Variants in SLC7A14 observed in about 807,000 individuals in gnomAD.
The protein encoded by SLC7A14 is solute carrier family 7 member 14.
Under a neutral mutation model 60.2 loss-of-function variants are expected in SLC7A14, and 37 were observed. The observed-to-expected ratio is 0.61, with a 90% confidence interval of 0.47 to 0.81. The LOEUF is 0.81. SLC7A14 is among the 30% of genes least tolerant of loss of function. The pLI is 0.00. For missense variants in SLC7A14, 886 were observed against 982.7 expected (o/e 0.90, Z 1.32); for synonymous variants, 399 against 395.8 (o/e 1.01, Z -0.10).
intron 7 of SLC7A14, among the ~76,000 whole-genome samples, chr3:170,479,313 G>T (rs1412092104): frequency 2.0e-5 from 3 of 152,082 alleles, no homozygotes; most frequent in East Asian, 3.9e-4. Flanking sequence ...AGAGACCCCA[G>T]GGTTACCAAG....
chr3:170,563,632 G>T (rs1714720935), intron 1 of SLC7A14, among the ~76,000 whole-genome samples: 1 of 151,928 alleles, frequency 6.6e-6, no homozygotes, highest in African/African-American at 2.4e-5. Flanking sequence ...TGTTGGTCAG[G>T]CTAGTCTCGA....
intron 1 of SLC7A14, among the ~76,000 whole-genome samples, chr3:170,562,737 C>T (rs1452138469): frequency 1.3e-5 from 2 of 152,136 alleles, no homozygotes; most frequent in Non-Finnish European, 2.9e-5. Flanking sequence ...AGCCTTGCTA[C>T]AAGAAATATT....
intron 1 of SLC7A14, among the ~76,000 whole-genome samples, chr3:170,533,307 A>G (rs1713735998): frequency 6.6e-6 from 1 of 152,208 alleles, no homozygotes; most frequent in African/African-American, 2.4e-5. Flanking sequence ...GGGTCTGCTC[A>G]GCTCTGACAG....
At chr3:170,566,404 C>G (rs181930184) in intron 1 of SLC7A14, among the ~76,000 whole-genome samples, 1 of 152,284 alleles carries the variant, frequency 6.6e-6, no homozygotes. Context: ...TCTTCTCAAA[C>G]AAGATTTCAG....
At chr3:170,475,475 C>T (rs1423310417) in intron 7 of SLC7A14, among the ~76,000 whole-genome samples, 4 of 152,096 alleles carry the variant, frequency 2.6e-5, no homozygotes, top group African/African-American at 7.2e-5. Context: ...ACATATTTAT[C>T]TTATAAGACC....
intron 7 of SLC7A14, among the ~76,000 whole-genome samples, chr3:170,478,684 T>C (rs1711708986): frequency 6.6e-6 from 1 of 152,202 alleles, no homozygotes; most frequent in African/African-American, 2.4e-5. Context: ...GAAGTTTTCC[T>C]TTTTCCCCTT....
chr3:170,482,538 C>T (rs771094344), intron 6 of SLC7A14, among the ~76,000 whole-genome samples: 55 of 152,222 alleles, frequency 3.6e-4, no homozygotes, highest in Non-Finnish European at 7.1e-4. Context: ...CTCAGCAGGC[C>T]CCTCATGCTG....
intron 1 of SLC7A14, among the ~76,000 whole-genome samples, chr3:170,563,771 G>A (rs1413112798): frequency 6.6e-6 from 1 of 152,138 alleles, no homozygotes; most frequent in African/African-American, 2.4e-5. Context: ...TTTGCAAACA[G>A]AGTATCCCAT....
intron 1 of SLC7A14, among the ~76,000 whole-genome samples, chr3:170,534,050 T>C (rs1341795997): frequency 1.3e-5 from 2 of 152,208 alleles, no homozygotes; most frequent in Non-Finnish European, 2.9e-5. Context: ...CAAAGCTTGT[T>C]GGTTTTTTTT....
chr3:170,493,997 A>G (rs1379590481), intron 4 of SLC7A14, among the ~76,000 whole-genome samples: 2 of 152,240 alleles, frequency 1.3e-5, no homozygotes, highest in Admixed American at 1.3e-4. Flanking sequence ...TTCTTGGCCA[A>G]TGACAAATCT....
In SLC7A14 at chr3:170,463,099, C is replaced by T. The variant is rs976061481; in HGVS notation, c.*3956G>A. The T allele has an allele frequency of 2.7e-5, 4 of 147,722 alleles. No homozygotes were observed. Among genetic ancestry groups the T allele is most frequent in the Non-Finnish European group, 5.9e-5 (4 of 67,976 alleles). The allele number at this position is 147,722 out of a possible 1,614,324, so 9.2% of individuals were successfully genotyped here. On this transcript the variant is annotated 3_prime_UTR_variant, in exon 8 of 8. Coordinates refer to ENST00000231706, the MANE Select transcript of SLC7A14 (RefSeq NM_020949.3). ...TCCCCAATTATTTCCCACTCTCTCA[C>T]CCGAGGAAAGCCAGTCAGCTCAGTG... is the stretch of plus-strand genomic sequence containing the variant.
intron 2 of SLC7A14, among the ~76,000 whole-genome samples, chr3:170,525,443 C>T (rs1173363776): frequency 1.3e-5 from 2 of 152,198 alleles, no homozygotes; most frequent in Admixed American, 1.3e-4. Flanking sequence ...GACTATAAAT[C>T]TGTGGAGGTG....
chr3:170,513,150 A>G (rs1345646130), intron 2 of SLC7A14, among the ~76,000 whole-genome samples: 2 of 152,228 alleles, frequency 1.3e-5, no homozygotes, highest in Admixed American at 1.3e-4. Context: ...CAGTGAATGG[A>G]ATAGTGACTC....
chr3:170,534,915 G>T (rs1713792407), intron 1 of SLC7A14, among the ~76,000 whole-genome samples: 1 of 152,172 alleles, frequency 6.6e-6, no homozygotes, highest in Non-Finnish European at 1.5e-5. Context: ...GTATATATTT[G>T]TTGGAAACTG....
chr3:170,518,210 G>A (rs1713231226), intron 2 of SLC7A14, among the ~76,000 whole-genome samples: 1 of 152,152 alleles, frequency 6.6e-6, no homozygotes, highest in African/African-American at 2.4e-5. Context: ...GCCTTCCATG[G>A]TGTGCTACAC....
In SLC7A14 at chr3:170,504,634, A is replaced by G. The variant is rs541941644; in HGVS notation, c.305-3289T>C. Among the ~76,000 whole-genome samples, 9 of 152,170 alleles carry G rather than the reference A, an allele frequency of 5.9e-5. No homozygotes were observed. In the East Asian group the frequency reaches 1.4e-3, roughly 23 times the overall value. ...TGCGCCCGGCGAAACCTTGGTTTTT[A>G]TCCTAGATTATCTAGGGTCCTAGAT... is the stretch of plus-strand genomic sequence containing the variant. On this transcript the variant is annotated intron_variant, in intron 2 of 7. Transcript: ENST00000231706.
Position 170,463,272 on chromosome 3 carries a change from A to G in SLC7A14, c.*3783T>C, listed in dbSNP as rs540436350. 1 of 152,288 alleles carries G rather than the reference A, an allele frequency of 6.6e-6. No homozygotes were observed. The highest frequency in any genetic ancestry group is 2.1e-4 in the South Asian group (1 of 4,822). 9.4% of individuals were successfully genotyped at this position (152,288 alleles called of 1,614,324 possible). ...TAATGGAGGCACAGCACAAATTCTT[A>G]GCCAGAGGACCACAAACTAGTAGAC... On this transcript the variant is annotated 3_prime_UTR_variant, in exon 8 of 8. Coordinates refer to ENST00000231706, the MANE Select transcript of SLC7A14 (RefSeq NM_020949.3).
intron 1 of SLC7A14, among the ~76,000 whole-genome samples, chr3:170,580,158 T>G (rs530173598): frequency 3.6e-4 from 55 of 152,358 alleles, no homozygotes; most frequent in African/African-American, 1.3e-3. Context: ...CAAATATTTA[T>G]TGATCATCCA....
In SLC7A14 at chr3:170,566,942, C is replaced by T. The variant is rs972064912; in HGVS notation, c.-153+18969G>A. ...TGAGAGATATGATGCAGTCATTCTA[C>T]AAGTTACACCTTAAACATTCATTTA... On this transcript the variant is annotated intron_variant, in intron 1 of 7. Transcript: ENST00000231706. 3.9e-5 allele frequency among the ~76,000 whole-genome samples: 6 copies of T among 152,158 alleles called. No individual in the cohort carries two copies. In the South Asian group the frequency reaches 8.3e-4, roughly 21 times the overall value.
Sources: gnomAD v4.1 joint callset for allele counts (sites outside exome capture counted in the v4.1 genomes callset) on GRCh38, gnomAD v4.1.1 for gene constraint, MANE v1.5 for transcripts, NCBI Gene and HGNC (gene_info 2026-07-23, HGNC 2026-07-21) for gene names.